GSG1L: variants seen among roughly 807,000 people sequenced by gnomAD.
GSG1L encodes the protein GSG1 like.
In GSG1L, 24 loss-of-function variants were observed where a neutral mutation model predicts 42.1. The ratio of observed to expected loss-of-function variants is 0.57; its 90% CI spans 0.41 to 0.80. The LOEUF (loss-of-function observed/expected upper bound fraction) is 0.80, where lower values mean the gene tolerates loss of function less well. Among genes scored for constraint, GSG1L ranks in the 30% least tolerant of loss-of-function variants. The pLI, the probability that GSG1L is intolerant of heterozygous loss-of-function variation, is 0.00. For missense variants in GSG1L, 445 were observed against 472.2 expected (o/e 0.94, Z 0.53); for synonymous variants, 215 against 203.5 (o/e 1.06, Z -0.48).
chr16:27,793,500 T>G (rs912332285), intron 6 of GSG1L, among the ~76,000 whole-genome samples: 2 of 151,898 alleles, frequency 1.3e-5, no homozygotes, highest in African/African-American at 4.8e-5. Flanking sequence ...TTTGTTTTTT[T>G]AATCTAGAAG....
chr16:27,804,199 A>G (rs1249051006), intron 6 of GSG1L, among the ~76,000 whole-genome samples: 1 of 151,758 alleles, frequency 6.6e-6, no homozygotes, highest in East Asian at 1.9e-4. Flanking sequence ...TGCATAGCGA[A>G]CTCCGTCCCT....
intron 5 of GSG1L, among the ~76,000 whole-genome samples, chr16:27,808,521 C>T (rs1246794954): frequency 1.3e-5 from 2 of 151,632 alleles, no homozygotes; most frequent in East Asian, 1.9e-4. Flanking sequence ...CAGGCTCAAG[C>T]GATTCTCCTG....
chr16:27,883,738 G>T (rs1361465076), intron 3 of GSG1L, among the ~76,000 whole-genome samples: 7 of 152,144 alleles, frequency 4.6e-5, no homozygotes, highest in Admixed American at 1.3e-4. Flanking sequence ...TAGTTTATAG[G>T]CTTCCTTTAT....
At chr16:28,042,627 G>T (rs1035388151) in intron 1 of GSG1L, among the ~76,000 whole-genome samples, 1 of 152,028 alleles carries the variant, frequency 6.6e-6, no homozygotes, top group Non-Finnish European at 1.5e-5. Flanking sequence ...GGCCTAAAGA[G>T]ATCTTTCCAT....
At chr16:27,928,870 T>A (rs2084626144) in intron 2 of GSG1L, among the ~76,000 whole-genome samples, 1 of 152,224 alleles carries the variant, frequency 6.6e-6, no homozygotes, top group African/African-American at 2.4e-5. Context: ...AGGATTTCTG[T>A]CCCTCTTTGC....
At chr16:27,859,193 T>C (rs8053229) in intron 3 of GSG1L, among the ~76,000 whole-genome samples, 61,601 of 151,938 alleles carry the variant, frequency 0.41, 12,868 homozygotes, top group African/African-American at 0.5. Flanking sequence ...CTCTGCAGGC[T>C]CTTGGTCTTC....
At chr16:27,860,426 C>T (rs1027601403) in intron 3 of GSG1L, among the ~76,000 whole-genome samples, 1 of 152,240 alleles carries the variant, frequency 6.6e-6, no homozygotes, top group Admixed American at 6.5e-5. Context: ...CCAGCCCCTG[C>T]AATATCACAT....
chr16:27,948,933 T>TATTATTATTATTATTATTA (rs1269716618), intron 2 of GSG1L, among the ~76,000 whole-genome samples: 6 of 150,208 alleles, frequency 4.0e-5, no homozygotes, highest in East Asian at 1.9e-4. Flanking sequence ...TTATTATTAT[T>TATTATTATTATTATTATTA]TTGAGAAAAG....
At chr16:27,811,072 T>C (rs8059523) in intron 5 of GSG1L, among the ~76,000 whole-genome samples, 31,607 of 152,150 alleles carry the variant, frequency 0.21, 3,732 homozygotes, top group African/African-American at 0.33. Context: ...ATCTCCAACA[T>C]CTTAGAGACA....
chr16:27,932,859 G>T (rs763699427), intron 2 of GSG1L, among the ~76,000 whole-genome samples: 42 of 152,018 alleles, frequency 2.8e-4, no homozygotes, highest in Non-Finnish European at 2.2e-4. Context: ...ATCCCCTGGT[G>T]CTGGCCCCAG....
intron 5 of GSG1L, among the ~76,000 whole-genome samples, chr16:27,810,222 T>A (rs927398454): frequency 1.3e-5 from 2 of 152,184 alleles, no homozygotes; most frequent in Non-Finnish European, 2.9e-5. Context: ...CTCATGCCTA[T>A]AATCCCAGTG....
intron 1 of GSG1L, among the ~76,000 whole-genome samples, chr16:27,976,889 C>T (rs1165135690): frequency 6.6e-6 from 1 of 152,198 alleles, no homozygotes; most frequent in Non-Finnish European, 1.5e-5. Flanking sequence ...CATCCAGAAG[C>T]AACATTTCTC....
At chr16:27,981,430 G>GA (rs969294780) in intron 1 of GSG1L, among the ~76,000 whole-genome samples, 7 of 152,216 alleles carry the variant, frequency 4.6e-5, no homozygotes, top group East Asian at 1.9e-4. Context: ...TCAGCTGGGG[G>GA]AAAAAAATGC....
intron 2 of GSG1L, among the ~76,000 whole-genome samples, chr16:27,888,541 T>C (rs372207460): frequency 4.8e-5 from 1 of 20,908 alleles, no homozygotes; most frequent in South Asian, 1.9e-3. Context: ...CTTTCTTTCT[T>C]TCTTTCTTTC....
chr16:27,819,900 C>A (rs2140956511), intron 5 of GSG1L, among the ~76,000 whole-genome samples: 1 of 152,246 alleles, frequency 6.6e-6, no homozygotes, highest in Middle Eastern at 3.4e-3. Context: ...AAGAAAGTTG[C>A]TGGATTCACC....
At chr16:27,978,175 C>A (rs551685180) in intron 1 of GSG1L, among the ~76,000 whole-genome samples, 120 of 152,338 alleles carry the variant, frequency 7.9e-4, no homozygotes, top group Non-Finnish European at 4.3e-4. Flanking sequence ...ACAGATAGAA[C>A]TGGCCGGGTC....
At chr16:27,993,055 G>T (rs2085472468) in intron 1 of GSG1L, among the ~76,000 whole-genome samples, 1 of 152,174 alleles carries the variant, frequency 6.6e-6, no homozygotes, top group African/African-American at 2.4e-5. Flanking sequence ...CTGTTATTAT[G>T]CCCATTTTTG....
intron 1 of GSG1L, among the ~76,000 whole-genome samples, chr16:28,027,103 G>A (rs1406567973): frequency 1.3e-5 from 2 of 152,048 alleles, no homozygotes; most frequent in African/African-American, 2.4e-5. Context: ...GGTGGAGGGG[G>A]GAATTAATAA....
At chr16:27,943,314 C>A (rs1368992158) in intron 2 of GSG1L, among the ~76,000 whole-genome samples, 1 of 152,012 alleles carries the variant, frequency 6.6e-6, no homozygotes, top group Non-Finnish European at 1.5e-5. Flanking sequence ...CTAATAAAAA[C>A]TGAAAATGAC....
Sources: allele counts gnomAD v4.1 joint callset (sites outside exome capture counted in the v4.1 genomes callset), GRCh38; gene constraint gnomAD v4.1.1; transcripts MANE v1.5; gene names NCBI Gene and HGNC (gene_info 2026-07-23, HGNC 2026-07-21).